NRG3: variants seen among roughly 807,000 people sequenced by gnomAD.
NRG3 encodes the protein neuregulin 3, also known as pro-neuregulin-3, membrane-bound isoform.
NRG3 carries 31 observed loss-of-function variants against 66.9 expected under a neutral mutation model. The observed-to-expected ratio is 0.46, with a 90% confidence interval of 0.35 to 0.63. The LOEUF (loss-of-function observed/expected upper bound fraction) is 0.63, where lower values mean the gene tolerates loss of function less well. Among genes scored for constraint, NRG3 ranks in the 20% least tolerant of loss-of-function variants. NRG3 has a pLI of 0.00. For synonymous variants in NRG3, 393 were observed against 359.4 expected, an observed-to-expected ratio of 1.09 and a Z score of -1.06; for missense variants, 910 against 878.9, an observed-to-expected ratio of 1.04 and a Z score of -0.45.
intron 1 of NRG3, among the ~76,000 whole-genome samples, chr10:82,077,273 CTT>C (rs1405623059): frequency 6.6e-6 from 1 of 152,146 alleles, no homozygotes; most frequent in South Asian, 2.1e-4. Flanking sequence ...CATCAGCACT[CTT>C]TGACACTTAA....
chr10:82,403,244 A>G (rs1394809516), intron 2 of NRG3, among the ~76,000 whole-genome samples: 1 of 152,162 alleles, frequency 6.6e-6, no homozygotes, highest in Non-Finnish European at 1.5e-5. Context: ...TGAGCATCCC[A>G]TCATTCAAAC....
At chr10:82,223,181 A>G (rs1208915021) in intron 1 of NRG3, among the ~76,000 whole-genome samples, 1 of 151,986 alleles carries the variant, frequency 6.6e-6, no homozygotes, top group Non-Finnish European at 1.5e-5. Context: ...AACCCTGTCT[A>G]CTCCAAAGGG....
At position 82,059,542 on chromosome 10, in the gene NRG3, T is replaced by C. The variant is rs189264581; in HGVS notation, c.823+183379T>C. Among the ~76,000 whole-genome samples the C allele has an allele frequency of 2.0e-5, 3 of 152,304 alleles. No homozygotes were observed. The East Asian group carries it at 5.8e-4, about 29-fold the overall frequency. ...GTTTCTAGGAGGGAAATAAATAATT[T>C]GGCAGGAGACTTTTTGAACTAGATA... On this transcript the variant is annotated intron_variant, in intron 1 of 8. Coordinates refer to ENST00000372141, the MANE Select transcript of NRG3 (RefSeq NM_001010848.4).
chr10:81,919,486 C>A (rs1028104903), intron 1 of NRG3, among the ~76,000 whole-genome samples: 5 of 151,526 alleles, frequency 3.3e-5, no homozygotes, highest in Non-Finnish European at 5.9e-5. Context: ...ATAACATTGC[C>A]TGGGGTGTTA....
intron 3 of NRG3, among the ~76,000 whole-genome samples, chr10:82,787,820 G>A (rs1165015515): frequency 6.6e-6 from 1 of 152,088 alleles, no homozygotes; most frequent in Non-Finnish European, 1.5e-5. Context: ...CACATCACTG[G>A]TTGTTTTGAA....
intron 1 of NRG3, among the ~76,000 whole-genome samples, chr10:81,945,822 G>T (rs1848795529): frequency 6.6e-6 from 1 of 152,096 alleles, no homozygotes; most frequent in Admixed American, 6.6e-5. Context: ...TTTATATAAA[G>T]GAGAAATTTG....
At chr10:82,034,259 G>T (rs1035367886) in intron 1 of NRG3, among the ~76,000 whole-genome samples, 2 of 152,050 alleles carry the variant, frequency 1.3e-5, no homozygotes, top group African/African-American at 4.8e-5. Flanking sequence ...TTATTTAAAG[G>T]TTCTTAAATT....
chr10:81,986,346 T>A (rs2060518584), intron 1 of NRG3, among the ~76,000 whole-genome samples: 1 of 152,144 alleles, frequency 6.6e-6, no homozygotes, highest in Admixed American at 6.5e-5. Flanking sequence ...TGTAAAGGTA[T>A]GTTTTAGTTC....
At chr10:82,930,301 T>G (rs1847437016) in intron 4 of NRG3, among the ~76,000 whole-genome samples, 1 of 152,228 alleles carries the variant, frequency 6.6e-6, no homozygotes, top group South Asian at 2.1e-4. Context: ...TATGTTATGC[T>G]ATGACGTACC....
At chr10:82,442,103 T>C (rs1240305347) in intron 2 of NRG3, among the ~76,000 whole-genome samples, 1 of 152,222 alleles carries the variant, frequency 6.6e-6, no homozygotes, top group Non-Finnish European at 1.5e-5. Context: ...TTACATTCAC[T>C]GACCTGGTCC....
intron 3 of NRG3, among the ~76,000 whole-genome samples, chr10:82,848,564 A>C (rs1191023419): frequency 6.6e-6 from 1 of 152,194 alleles, no homozygotes; most frequent in Non-Finnish European, 1.5e-5. Flanking sequence ...GTTAAGGCTG[A>C]AATGAGTAAA....
chr10:82,699,572 A>G (rs1188382963), intron 2 of NRG3, among the ~76,000 whole-genome samples: 1 of 151,942 alleles, frequency 6.6e-6, no homozygotes, highest in Non-Finnish European at 1.5e-5. Context: ...ATACTTGAAA[A>G]TGTGCCCTTT....
chr10:82,897,106 G>T (rs1843726580), intron 4 of NRG3, among the ~76,000 whole-genome samples: 1 of 152,172 alleles, frequency 6.6e-6, no homozygotes, highest in East Asian at 1.9e-4. Flanking sequence ...AACATGGTTT[G>T]AATGAAGCAA....
At chr10:82,020,769 A>G (rs2062022378) in intron 1 of NRG3, among the ~76,000 whole-genome samples, 1 of 152,076 alleles carries the variant, frequency 6.6e-6, no homozygotes, top group African/African-American at 2.4e-5. Context: ...AAGAATGGTC[A>G]ATTTTCCTGA....
At chr10:82,324,443 T>C (rs1353667737) in intron 1 of NRG3, among the ~76,000 whole-genome samples, 1 of 152,098 alleles carries the variant, frequency 6.6e-6, no homozygotes, top group Non-Finnish European at 1.5e-5. Context: ...TTATTACTTT[T>C]TTCCTTCTGC....
intron 8 of NRG3, chr10:82,984,678 G>A: frequency 1.7e-6 from 2 of 1,169,758 alleles, no homozygotes; most frequent in Non-Finnish European, 1.2e-6. Flanking sequence ...GGGCTGAGAG[G>A]GTGGTCGAGT....
chr10:82,416,288 A>G (rs2088563941), intron 2 of NRG3, among the ~76,000 whole-genome samples: 1 of 152,158 alleles, frequency 6.6e-6, no homozygotes, highest in Non-Finnish European at 1.5e-5. Context: ...TAGTCTTTTA[A>G]TTCCTGTTTG....
At chr10:82,439,628 A>G (rs952385494) in intron 2 of NRG3, among the ~76,000 whole-genome samples, 7 of 152,126 alleles carry the variant, frequency 4.6e-5, no homozygotes, top group African/African-American at 1.7e-4. Flanking sequence ...ATCCTATTAC[A>G]TTAGTTAAAT....
At chr10:82,866,023 T>C (rs1840693416) in intron 4 of NRG3, among the ~76,000 whole-genome samples, 1 of 152,160 alleles carries the variant, frequency 6.6e-6, no homozygotes, top group African/African-American at 2.4e-5. Flanking sequence ...ATGCCTTCCA[T>C]GGGCATTGTT....
Sources: gnomAD v4.1 joint callset for allele counts (sites outside exome capture counted in the v4.1 genomes callset) on GRCh38, gnomAD v4.1.1 for gene constraint, MANE v1.5 for transcripts, NCBI Gene and HGNC (gene_info 2026-07-23, HGNC 2026-07-21) for gene names.